Variants in KIZ observed in about 807,000 individuals in gnomAD.
KIZ encodes the protein kizuna centrosomal protein, also known as centrosomal protein kizuna.
A neutral mutation model predicts 79.6 loss-of-function variants in KIZ; 68 were observed. The observed-to-expected ratio is 0.85, with a 90% CI of 0.70 to 1.05. The LOEUF is 1.05. KIZ is among the 50% of genes least tolerant of loss of function. KIZ has a pLI of 0.00. For missense variants in KIZ, 797 were observed against 800.4 expected (o/e 1.00, Z 0.05); for synonymous variants, 280 against 281.8 (o/e 0.99, Z 0.06).
intron 3 of KIZ, among the ~76,000 whole-genome samples, chr20:21,136,954 T>C (rs2032226550): frequency 6.6e-6 from 1 of 152,238 alleles, no homozygotes; most frequent in East Asian, 1.9e-4. Context: ...TCCAAGATTC[T>C]TCTTTAGTTA....
chr20:21,210,142 T>A (rs930038085), intron 7 of KIZ, among the ~76,000 whole-genome samples: 1 of 152,084 alleles, frequency 6.6e-6, no homozygotes, highest in African/African-American at 2.4e-5. Context: ...ACCCTGTCTT[T>A]ACTAAAAATA....
At chr20:21,199,301 A>G (rs1044798849) in intron 6 of KIZ, among the ~76,000 whole-genome samples, 2 of 152,226 alleles carry the variant, frequency 1.3e-5, no homozygotes, top group African/African-American at 4.8e-5. Context: ...AGTCTTCCAT[A>G]AGAAATGATC....
At chr20:21,200,344 G>A (rs2035541629) in intron 6 of KIZ, among the ~76,000 whole-genome samples, 1 of 152,086 alleles carries the variant, frequency 6.6e-6, no homozygotes, top group South Asian at 2.1e-4. Flanking sequence ...GTTTAGGGAG[G>A]TGTGGGCAGG....
chr20:21,166,180 TA>T, intron 6 of KIZ: 2 of 1,187,392 alleles, frequency 1.7e-6, no homozygotes, highest in Non-Finnish European at 2.4e-6. Flanking sequence ...TGAGGCATTT[TA>T]TTTGTAAATA....
intron 7 of KIZ, 100 bp downstream of exon 7, chr20:21,205,684 C>T (rs923973599): frequency 2.3e-5 from 13 of 568,240 alleles, no homozygotes; most frequent in Non-Finnish European, 3.6e-5. Flanking sequence ...AAGTTTTGGC[C>T]AGGCGCCGTG....
intron 6 of KIZ, among the ~76,000 whole-genome samples, chr20:21,171,466 A>T (rs952527766): frequency 6.6e-6 from 1 of 152,106 alleles, no homozygotes; most frequent in Non-Finnish European, 1.5e-5. Flanking sequence ...TTTGTTTGTG[A>T]CAGGGTCACA....
At chr20:21,236,012 T>G (rs1270956190) in intron 11 of KIZ, among the ~76,000 whole-genome samples, 1 of 152,260 alleles carries the variant, frequency 6.6e-6, no homozygotes, top group Non-Finnish European at 1.5e-5. Context: ...AAAAGCACTC[T>G]TCTCTGTCTT....
chr20:21,126,085 G>T lies in KIZ; in HGVS notation c.-31G>T. 6.7e-7 allele frequency: 1 copy of T among 1,498,870 alleles called. No homozygotes were observed. 92.8% of individuals were successfully genotyped at this position (1,498,870 alleles called of 1,614,324 possible). A position where few individuals can be genotyped will look rare whatever the true frequency, so the allele number is the denominator to read the frequency against. On this transcript the variant is annotated 5_prime_UTR_variant, in exon 1 of 13. It adds an upstream start codon to the 5' untranslated region. Coordinates refer to ENST00000619189, the MANE Select transcript of KIZ (RefSeq NM_018474.6). ...AACCCCGGCCGAACGGCCACCCAGA[G>T]GCTGTGCTGAGCTGGCGCAGCGGCA...
At chr20:21,210,706 A>G (rs2036031088) in intron 7 of KIZ, among the ~76,000 whole-genome samples, 1 of 152,086 alleles carries the variant, frequency 6.6e-6, no homozygotes, top group African/African-American at 2.4e-5. Context: ...CAGAGTTACC[A>G]GTAATGGATG....
intron 3 of KIZ, 117 bp downstream of exon 3, chr20:21,136,669 G>A: frequency 1.5e-6 from 1 of 664,722 alleles, no homozygotes; most frequent in East Asian, 3.0e-5. Context: ...CTGGGCTCAA[G>A]CAGTCCTCCT....
intron 6 of KIZ, among the ~76,000 whole-genome samples, chr20:21,163,762 T>C (rs150455786): frequency 2.4e-4 from 36 of 152,348 alleles, no homozygotes; most frequent in Non-Finnish European, 4.3e-4. Flanking sequence ...TGAGAACTTA[T>C]ATTATCCGAC....
intron 6 of KIZ, among the ~76,000 whole-genome samples, chr20:21,178,338 A>G (rs1293476753): frequency 2.0e-5 from 3 of 151,988 alleles, no homozygotes; most frequent in African/African-American, 7.2e-5. Context: ...TATTGGTGCT[A>G]TTGTAAATGG....
chr20:21,232,726 T>A lies in KIZ; in HGVS notation c.1784-8T>A, dbSNP rs556558681. The A allele has an allele frequency of 4.8e-5, 71 of 1,484,700 alleles. No individual in the cohort carries two copies. The highest frequency in any genetic ancestry group is 6.2e-5 in the Non-Finnish European group (66 of 1,072,282). The allele number at this position is 1,484,700 out of a possible 1,614,324, so 92.0% of individuals were successfully genotyped here. A position where few individuals can be genotyped will look rare whatever the true frequency, so the allele number is the denominator to read the frequency against. On this transcript the variant is annotated splice_polypyrimidine_tract_variant and splice_region_variant and intron_variant, in intron 10 of 12. Transcript: ENST00000619189. ...AACCCTCACTCTCCATGTTTACGCT[T>A]ATCACAGGTTTGAATATTGGCAGCG...
At chr20:21,132,892 G>C (rs2031942344) in intron 2 of KIZ, 1 of 152,106 alleles carries the variant, frequency 6.6e-6, no homozygotes, top group Non-Finnish European at 1.5e-5. Flanking sequence ...ATTTGTTCAT[G>C]GATATATGAG....
At chr20:21,149,844 A>G (rs1016624204) in intron 4 of KIZ, among the ~76,000 whole-genome samples, 9 of 152,330 alleles carry the variant, frequency 5.9e-5, no homozygotes, top group Admixed American at 1.3e-4. Flanking sequence ...CTAAAACTAT[A>G]CTGAAAGAGC....
chr20:21,163,033 AG>A lies in KIZ; in HGVS notation c.1228del (p.Ala410ProfsTer2). ...GGKMEGEDGIEALKLIHAEQE... is the reference protein window; with the variant it reads ...GGKMEGEDGIXALKLIHAEQE... ...AAGATGGAGGGAGAAGATGGAATAG[AG>A]GCCTTAAAATTAATCCATGCTGAGC... On this transcript the variant is annotated frameshift_variant, in exon 6 of 13. Transcript: ENST00000619189. LOFTEE classifies it high-confidence loss of function. 6.2e-7 allele frequency: 1 copy of A among 1,613,908 alleles called. No homozygotes were observed. The highest frequency in any genetic ancestry group is 1.1e-5 in the South Asian group (1 of 91,078).
In KIZ at chr20:21,132,122, A is replaced by T. The variant is rs1193622483; in HGVS notation, c.115A>T (p.Lys39Ter). 6.8e-7 allele frequency: 1 copy of T among 1,459,960 alleles called. No individual in the cohort carries two copies. Among genetic ancestry groups the T allele is most frequent in the South Asian group, 1.3e-5 (1 of 79,192 alleles). The allele number at this position is 1,459,960 out of a possible 1,614,324, so 90.4% of individuals were successfully genotyped here. ...TGAAAAGAAGAGATTGGACCTGGAA[A>T]AGAAACTTTATGAATATAATCAGTC... ...DSEKKRLDLE[K>*]KLYEYNQSDT... Residue 39 changes from lysine to a stop codon, truncating the protein, a stop_gained, in exon 2 of 13, where the codon AAG (lysine) becomes TAG (stop). Transcript: ENST00000619189. LOFTEE classifies it high-confidence loss of function.
intron 6 of KIZ, among the ~76,000 whole-genome samples, chr20:21,172,805 A>G (rs1333978657): frequency 6.6e-6 from 1 of 152,106 alleles, no homozygotes; most frequent in Non-Finnish European, 1.5e-5. Flanking sequence ...GTTCTTTGTC[A>G]TCTTTTAGAC....
intron 9 of KIZ, among the ~76,000 whole-genome samples, chr20:21,221,976 G>T (rs144789559): frequency 3.9e-5 from 6 of 152,156 alleles, no homozygotes; most frequent in African/African-American, 7.2e-5. Context: ...GTTGTGCCTG[G>T]AACGGGAAAC....
Sources: gnomAD v4.1 joint callset for allele counts (sites outside exome capture counted in the v4.1 genomes callset) on GRCh38, gnomAD v4.1.1 for gene constraint, MANE v1.5 for transcripts, NCBI Gene and HGNC (gene_info 2026-07-23, HGNC 2026-07-21) for gene names.